The following UTP20 variants were observed in gnomAD, a reference collection of about 807,000 sequenced individuals.
UTP20 encodes the protein UTP20 small subunit processome component, also known as small subunit processome component 20 homolog.
Under a neutral mutation model 329.5 loss-of-function variants are expected in UTP20, and 164 were observed. That is an observed-to-expected ratio of 0.50 (90% confidence interval 0.44 to 0.57). UTP20 has a LOEUF of 0.57. Among genes scored for constraint, UTP20 ranks in the 20% least tolerant of loss-of-function variants. The probability of loss-of-function intolerance (pLI) is 0.00; values close to 1 mark genes in which losing one functional copy is unlikely to be tolerated. For synonymous variants in UTP20, 1,151 were observed against 1,159.3 expected (o/e 0.99, Z 0.14); for missense variants, 3,055 against 3,284.2 (o/e 0.93, Z 1.71).
intron 35 of UTP20, 104 bp from the exon 36 acceptor site, chr12:101,344,491 A>G: frequency 1.4e-6 from 1 of 691,588 alleles, no homozygotes; most frequent in Non-Finnish European, 2.5e-6. Flanking sequence ...AGGCATTTTT[A>G]CAAGCACAGT....
At chr12:101,297,028 T>C (rs1429032917) in intron 12 of UTP20, among the ~76,000 whole-genome samples, 2 of 152,032 alleles carry the variant, frequency 1.3e-5, no homozygotes, top group Non-Finnish European at 2.9e-5. Context: ...GTTAGACCCG[T>C]TGTTGTGTTT....
At chr12:101,334,362 T>G in intron 28 of UTP20, 63 bp from the exon 29 acceptor site, 1 of 1,386,542 alleles carries the variant, frequency 7.2e-7, no homozygotes, top group Non-Finnish European at 1.0e-6. Flanking sequence ...TTGTTAGTTA[T>G]TTGTGGTTTT....
At position 101,294,101 on chromosome 12, in the gene UTP20, T is replaced by A. The variant is rs376829581; in HGVS notation, c.1251+856T>A. On this transcript the variant is annotated intron_variant, in intron 11 of 61. Transcript: ENST00000261637. ...CCCAGGCTGGAGTGCAGTGGCATGATCTCGGCTCACTGCAACCTCTGCCTC... is the reference window on the plus strand; with the variant it reads ...CCCAGGCTGGAGTGCAGTGGCATGAACTCGGCTCACTGCAACCTCTGCCTC... Among the ~76,000 whole-genome samples, 18 of 152,120 alleles carry A rather than the reference T, an allele frequency of 1.2e-4. No individual in the cohort carries two copies. In the East Asian group the frequency reaches 3.3e-3, roughly 28 times the overall value.
intron 43 of UTP20, among the ~76,000 whole-genome samples, chr12:101,361,662 AATAAATAAAT>A (rs749101039): frequency 9.8e-4 from 120 of 122,134 alleles, no homozygotes; most frequent in Admixed American, 3.2e-3. Context: ...TAAATAAATA[AATAAATAAAT>A]AAATAAAGTT....
Position 101,334,464 on chromosome 12 carries a change from C to T in UTP20, c.3601C>T (p.Pro1201Ser), listed in dbSNP as rs1868869686. Residue 1201 changes from proline to serine, a missense_variant, in exon 29 of 62, where the codon CCT becomes TCT. Coordinates refer to ENST00000261637, the MANE Select transcript of UTP20 (RefSeq NM_014503.3). ...LGSESQYSPTPLLKLISIWSR... is the reference protein window; with the variant it reads ...LGSESQYSPTSLLKLISIWSR... The stretch of plus-strand genomic sequence containing the variant: ...ATCTGAGAGTCAATATTCTCCTACT[C>T]CTCTGCTGAAACTGATCAGTATCTG... 1 of 1,612,188 alleles carries T rather than the reference C, an allele frequency of 6.2e-7. No homozygotes were observed. Among genetic ancestry groups the T allele is most frequent in the African/African-American group, 1.3e-5 (1 of 75,044 alleles).
intron 25 of UTP20, 63 bp from the exon 26 acceptor site, chr12:101,327,017 CA>C (rs1330406649): frequency 8.0e-5 from 120 of 1,508,470 alleles, no homozygotes; most frequent in Non-Finnish European, 1.0e-4. Flanking sequence ...GCCTTTTAGG[CA>C]AATAAAACAA....
intron 45 of UTP20, among the ~76,000 whole-genome samples, chr12:101,364,463 G>T (rs1300165249): frequency 1.3e-5 from 2 of 152,090 alleles, no homozygotes; most frequent in Non-Finnish European, 2.9e-5. Flanking sequence ...GAAAATTCAG[G>T]CTTGGAAAGG....
intron 21 of UTP20, among the ~76,000 whole-genome samples, chr12:101,315,683 T>A (rs1001894526): frequency 5.9e-5 from 9 of 152,214 alleles, no homozygotes; most frequent in Non-Finnish European, 1.3e-4. Flanking sequence ...AGAATAAGAA[T>A]GATGTTTAGC....
intron 57 of UTP20, 103 bp downstream of exon 57, chr12:101,379,661 C>G: frequency 7.9e-7 from 1 of 1,272,706 alleles, no homozygotes; most frequent in Non-Finnish European, 1.1e-6. Flanking sequence ...ACTCTTCCAA[C>G]CAACAATTTG....
intron 58 of UTP20, 54 bp from the exon 59 acceptor site, chr12:101,382,986 TA>T: frequency 1.3e-6 from 2 of 1,546,860 alleles, no homozygotes; most frequent in South Asian, 2.6e-5. Context: ...TACTAAGCCT[TA>T]TTTATTTCAA....
intron 21 of UTP20, among the ~76,000 whole-genome samples, chr12:101,315,660 G>A (rs1205650238): frequency 6.6e-6 from 1 of 152,046 alleles, no homozygotes; most frequent in Non-Finnish European, 1.5e-5. Flanking sequence ...TAATTCTTTG[G>A]GCATAAATTT....
chr12:101,340,443 T>C, intron 31 of UTP20, 80 bp from the exon 32 acceptor site: 1 of 846,450 alleles, frequency 1.2e-6, no homozygotes, highest in Non-Finnish European at 1.9e-6. Flanking sequence ...CTTTAGTCAT[T>C]GTTTTTCTAC....
intron 14 of UTP20, among the ~76,000 whole-genome samples, chr12:101,301,183 T>A (rs1872511999): frequency 6.6e-6 from 1 of 152,196 alleles, no homozygotes; most frequent in Non-Finnish European, 1.5e-5. Context: ...AGAGACATAG[T>A]TTGCTGACCT....
At chr12:101,362,968 G>A (rs1468735440) in intron 44 of UTP20, among the ~76,000 whole-genome samples, 2 of 131,394 alleles carry the variant, frequency 1.5e-5, no homozygotes, top group African/African-American at 8.1e-5. Flanking sequence ...CCCCATCTCT[G>A]CTAAAAATAC....
At chr12:101,385,105 A>G (rs1870782136) in intron 60 of UTP20, among the ~76,000 whole-genome samples, 1 of 151,964 alleles carries the variant, frequency 6.6e-6, no homozygotes. Flanking sequence ...GCCAAAAAAA[A>G]AAAAAAAAAA....
chr12:101,306,334 T>C (rs1872640676), intron 16 of UTP20, among the ~76,000 whole-genome samples: 1 of 152,192 alleles, frequency 6.6e-6, no homozygotes, highest in Non-Finnish European at 1.5e-5. Flanking sequence ...GTTTTTTTTT[T>C]TAAGTCTTCT....
chr12:101,291,092 C>A, intron 8 of UTP20: 1 of 447,700 alleles, frequency 2.2e-6, no homozygotes, highest in Non-Finnish European at 3.7e-6. Flanking sequence ...CAGTAGAAGG[C>A]TCTGGAGCCA....
chr12:101,353,113 A>G lies in UTP20; in HGVS notation c.5091A>G (p.Lys1697=). 1 of 1,597,528 alleles carries G rather than the reference A, an allele frequency of 6.3e-7. No homozygotes were observed. The highest frequency in any genetic ancestry group is 8.6e-7 in the Non-Finnish European group (1 of 1,168,636). ...DHKTLEEQMG[K]IENEENAIEA... is the part of the protein sequence containing the mutation. Reference sequence around the variant, plus strand: ...AAACTCTTGAAGAACAAATGGGAAAAATTGAGAATGAAGAAAGTAAGTTTC... The same window carrying G: ...AAACTCTTGAAGAACAAATGGGAAAGATTGAGAATGAAGAAAGTAAGTTTC... Residue 1697 remains lysine, a synonymous_variant, in exon 40 of 62, where the codon AAA becomes AAG. Coordinates refer to ENST00000261637, the MANE Select transcript of UTP20 (RefSeq NM_014503.3).
chr12:101,371,459 T>C (rs1207689067), intron 51 of UTP20, among the ~76,000 whole-genome samples: 2 of 151,452 alleles, frequency 1.3e-5, no homozygotes, highest in African/African-American at 4.9e-5. Flanking sequence ...GGTAAGTGAA[T>C]TGAGGGGTGG....
Sources: allele counts gnomAD v4.1 joint callset (sites outside exome capture counted in the v4.1 genomes callset), GRCh38; gene constraint gnomAD v4.1.1; transcripts MANE v1.5; gene names NCBI Gene and HGNC (gene_info 2026-07-23, HGNC 2026-07-21).